Variants in EIF4E3 observed in about 807,000 individuals in gnomAD.
EIF4E3 encodes eukaryotic translation initiation factor 4E family member 3.
A neutral mutation model predicts 31.7 loss-of-function variants in EIF4E3; 26 were observed. The observed-to-expected ratio is 0.82, with a 90% CI of 0.60 to 1.14. The LOEUF (loss-of-function observed/expected upper bound fraction) is 1.14, where lower values mean the gene tolerates loss of function less well. Ranked by LOEUF, EIF4E3 falls within the 50% of genes most tolerant of loss-of-function variation. EIF4E3 has a pLI of 0.00. For synonymous variants in EIF4E3, 128 were observed against 107.7 expected (o/e 1.19, Z -1.17); for missense variants, 304 against 270.9 (o/e 1.12, Z -0.86).
chr3:71,753,672 GCGGCGGCA>G (rs1559618653), upstream of EIF4E3: 47 of 141,474 alleles, frequency 3.3e-4, no homozygotes, highest in Non-Finnish European at 6.2e-4. Context: ...GGCGGCGGCA[GCGGCGGCA>G]GCGGCGGCGG....
chr3:71,663,860 G>A, the EIF4E3 span, among the ~76,000 whole-genome samples: 25 of 152,356 alleles, frequency 1.6e-4, no homozygotes, highest in African/African-American at 4.3e-4. Flanking sequence ...GGCAAACAGC[G>A]TGCCACCTGC....
chr3:71,734,111 T>A (rs2049736664), intron 1 of EIF4E3, among the ~76,000 whole-genome samples: 1 of 152,248 alleles, frequency 6.6e-6, no homozygotes, highest in South Asian at 2.1e-4. Context: ...ATCTACATAA[T>A]GGCAGGTTGC....
intron 6 of EIF4E3, among the ~76,000 whole-genome samples, chr3:71,689,396 C>A (rs2049033169): frequency 6.6e-6 from 1 of 152,114 alleles, no homozygotes; most frequent in Non-Finnish European, 1.5e-5. Flanking sequence ...AAAAAGAAGA[C>A]TTTTTCAAAA....
At chr3:71,715,040 C>T (rs6795024) in intron 1 of EIF4E3, among the ~76,000 whole-genome samples, 2,382 of 152,322 alleles carry the variant, frequency 0.016, 66 homozygotes, top group African/African-American at 0.05. Context: ...ACCCTGTCTC[C>T]ACAGTCCAGG....
chr3:71,751,175 G>A (rs1265518053), intron 1 of EIF4E3, among the ~76,000 whole-genome samples: 17 of 152,150 alleles, frequency 1.1e-4, no homozygotes, highest in Non-Finnish European at 2.9e-5. Context: ...TGAGGCTGCA[G>A]TGAGCCATGA....
chr3:71,730,844 C>G (rs191908804), intron 1 of EIF4E3, among the ~76,000 whole-genome samples: 1 of 152,262 alleles, frequency 6.6e-6, no homozygotes, highest in East Asian at 1.9e-4. Context: ...ATCCTCCCAT[C>G]TCAGCTTCCC....
chr3:71,719,536 A>G (rs80298255), intron 1 of EIF4E3, among the ~76,000 whole-genome samples: 2,220 of 142,082 alleles, frequency 0.016, 28 homozygotes, highest in Middle Eastern at 0.026. Context: ...CTTTCTGATG[A>G]AAAAAAAAAA....
chr3:71,706,962 C>T (rs1297158254), intron 2 of EIF4E3, among the ~76,000 whole-genome samples: 1 of 152,214 alleles, frequency 6.6e-6, no homozygotes, highest in Non-Finnish European at 1.5e-5. Context: ...GTTATGGACA[C>T]TCGCAGGCTG....
chr3:71,754,328 G>A, upstream of EIF4E3: 2 of 1,234,488 alleles, frequency 1.6e-6, no homozygotes, highest in Non-Finnish European at 2.0e-6. The surrounding 1 kb of genome is among the most constrained non-coding windows in gnomAD (Gnocchi z 5.8). Flanking sequence ...CGGGCGCGCT[G>A]GGCTGCAAGC....
chr3:71,693,313 T>G (rs1361080785), intron 5 of EIF4E3, among the ~76,000 whole-genome samples: 1 of 152,196 alleles, frequency 6.6e-6, no homozygotes, highest in African/African-American at 2.4e-5. Flanking sequence ...AACTTCTGTC[T>G]TATCCTCCAC....
chr3:71,720,633 A>T (rs1325588823), intron 1 of EIF4E3, among the ~76,000 whole-genome samples: 1 of 152,164 alleles, frequency 6.6e-6, no homozygotes, highest in African/African-American at 2.4e-5. Flanking sequence ...AGGTGGTAAG[A>T]GACATAAAGT....
At chr3:71,745,256 A>G (rs2044606) in intron 1 of EIF4E3, among the ~76,000 whole-genome samples, 104,085 of 152,116 alleles carry the variant, frequency 0.68, 36,595 homozygotes, top group East Asian at 1. Flanking sequence ...GGCATAGGAA[A>G]AATTTATATG....
At chr3:71,727,214 A>G (rs1267844705), upstream of EIF4E3, among the ~76,000 whole-genome samples, 1 of 152,234 alleles carries the variant, frequency 6.6e-6, no homozygotes, top group Non-Finnish European at 1.5e-5. Context: ...AAGACTATCA[A>G]TCTTCATTCC....
intron 4 of EIF4E3, among the ~76,000 whole-genome samples, chr3:71,696,090 A>G (rs954641470): frequency 6.6e-6 from 1 of 152,228 alleles, no homozygotes; most frequent in Admixed American, 6.5e-5. Flanking sequence ...AGGAGGGAAG[A>G]GCCTTTGGAA....
chr3:71,742,375 T>C (rs1158191237), intron 1 of EIF4E3, among the ~76,000 whole-genome samples: 1 of 152,156 alleles, frequency 6.6e-6, no homozygotes, highest in Non-Finnish European at 1.5e-5. Context: ...TGCCAATGAA[T>C]TGGTAACACA....
At chr3:71,699,226 C>CA (rs1559595008) in intron 3 of EIF4E3, among the ~76,000 whole-genome samples, 1 of 150,632 alleles carries the variant, frequency 6.6e-6, no homozygotes, top group African/African-American at 2.4e-5. Flanking sequence ...GACCTGGTCT[C>CA]AAAAAAAAGA....
chr3:71,680,503 T>G lies in EIF4E3; in HGVS notation c.*4179A>C, dbSNP rs1191432599. 6.6e-6 allele frequency: 1 copy of G among 152,208 alleles called. No homozygotes were observed. Among genetic ancestry groups the G allele is most frequent in the African/African-American group, 2.4e-5 (1 of 41,454 alleles). The allele number at this position is 152,208 out of a possible 1,614,324, so 9.4% of individuals were successfully genotyped here. On this transcript the variant is annotated 3_prime_UTR_variant, in exon 7 of 7. Coordinates refer to ENST00000425534, the MANE Select transcript of EIF4E3 (RefSeq NM_001134651.2). ...TTTATGTCAGCAACATGAAAGAATT[T>G]CTAGAACACAAGACAGTGACTTTTG...
intron 1 of EIF4E3, among the ~76,000 whole-genome samples, chr3:71,719,831 C>T (rs13098885): frequency 0.21 from 32,164 of 151,744 alleles, 4,695 homozygotes; most frequent in African/African-American, 0.41. Context: ...CTGGGCAACA[C>T]AGTCAGACCC....
downstream of EIF4E3, among the ~76,000 whole-genome samples, chr3:71,672,326 A>C (rs764183094): frequency 9.2e-5 from 14 of 152,174 alleles, no homozygotes; most frequent in Admixed American, 2.6e-4. Context: ...AGGTTCTTCT[A>C]AGTGGAAACT....
Sources: gnomAD v4.1 joint callset for allele counts (sites outside exome capture counted in the v4.1 genomes callset) on GRCh38, gnomAD v4.1.1 for gene constraint, Gnocchi (gnomAD v3.1) non-coding constraint, MANE v1.5 for transcripts, NCBI Gene and HGNC (gene_info 2026-07-23, HGNC 2026-07-21) for gene names.